STX18: variants seen among roughly 807,000 people sequenced by gnomAD.
STX18 encodes the protein syntaxin-18.
Under a neutral mutation model 50.1 loss-of-function variants are expected in STX18, and 40 were observed. That is an observed-to-expected ratio of 0.80 (90% CI 0.62 to 1.04). The LOEUF is 1.04. Ranked by LOEUF, STX18 falls within the 50% of genes least tolerant of loss-of-function variation. The pLI, the probability that STX18 is intolerant of heterozygous loss-of-function variation, is 0.00. For missense variants in STX18, 410 were observed against 415.8 expected, an observed-to-expected ratio of 0.99 and a Z score of 0.12; for synonymous variants, 158 against 151.8, an observed-to-expected ratio of 1.04 and a Z score of -0.30.
chr4:4,420,785 TG>T lies in STX18; in HGVS notation c.912+78del. 1 of 1,303,108 alleles carries T rather than the reference TG, an allele frequency of 7.7e-7. No homozygotes were observed. Among genetic ancestry groups the T allele is most frequent in the Non-Finnish European group, 1.1e-6 (1 of 901,022 alleles). The allele number at this position is 1,303,108 out of a possible 1,614,324, so 80.7% of individuals were successfully genotyped here. A position where few individuals can be genotyped will look rare whatever the true frequency, so the allele number is the denominator to read the frequency against. On this transcript the variant is annotated intron_variant, in intron 10 of 10. Coordinates refer to ENST00000306200, the MANE Select transcript of STX18 (RefSeq NM_016930.4). This position sits in a 1 kb window ranked among gnomAD's most constrained non-coding sequence, Gnocchi z 4.3. ...CTGCCCAGCAAGGCTCCTGGGCAGCTGTGCCGGCGAGACTAACACCCGCTGC... is the reference window on the plus strand; with the variant it reads ...CTGCCCAGCAAGGCTCCTGGGCAGCTTGCCGGCGAGACTAACACCCGCTGC...
chr4:4,535,617 C>G (rs1272980119), intron 1 of STX18, among the ~76,000 whole-genome samples: 1 of 152,162 alleles, frequency 6.6e-6, no homozygotes, highest in African/African-American at 2.4e-5. Context: ...ACCTCTCACT[C>G]CAGCTTTTAC....
intron 7 of STX18, among the ~76,000 whole-genome samples, chr4:4,431,641 G>C (rs956921050): frequency 6.6e-6 from 1 of 152,122 alleles, no homozygotes; most frequent in African/African-American, 2.4e-5. Flanking sequence ...CACCTCTCAT[G>C]AATGTCCCAC....
intron 6 of STX18, among the ~76,000 whole-genome samples, chr4:4,435,838 A>C (rs1480491000): frequency 6.6e-6 from 1 of 152,234 alleles, no homozygotes; most frequent in African/African-American, 2.4e-5. Flanking sequence ...TCAATACCAC[A>C]GGCCCCTAGA....
intron 1 of STX18, among the ~76,000 whole-genome samples, chr4:4,478,180 T>C (rs536229052): frequency 2.0e-5 from 3 of 152,054 alleles, no homozygotes; most frequent in South Asian, 2.1e-4. Flanking sequence ...TTTGTATATG[T>C]TGATTTTTTA....
chr4:4,473,253 G>C (rs1728012616), intron 1 of STX18, among the ~76,000 whole-genome samples: 1 of 148,398 alleles, frequency 6.7e-6, no homozygotes, highest in South Asian at 2.1e-4. Flanking sequence ...TTACAATCCT[G>C]TTCCTGCTTT....
In STX18 at chr4:4,420,369, G is replaced by A; in HGVS notation, c.913-240C>T. ...CAATTCTCCCTCAACACAACTCTCG[G>A]AATCACTCCCTTCTGTCCCAGGGTT... On this transcript the variant is annotated intron_variant, in intron 10 of 10. Transcript: ENST00000306200. The surrounding 1 kb of genome is among the most constrained non-coding windows in gnomAD (Gnocchi z 4.3). The A allele has an allele frequency of 2.0e-6, 1 of 511,884 alleles. No homozygotes were observed. Among genetic ancestry groups the A allele is most frequent in the Non-Finnish European group, 3.5e-6 (1 of 282,870 alleles). 31.7% of individuals were successfully genotyped at this position (511,884 alleles called of 1,614,324 possible).
intron 1 of STX18, among the ~76,000 whole-genome samples, chr4:4,525,210 G>C (rs1730695138): frequency 6.6e-6 from 1 of 152,218 alleles, no homozygotes; most frequent in African/African-American, 2.4e-5. Context: ...TTAATCTGGA[G>C]AAAGCAAATC....
intron 1 of STX18, among the ~76,000 whole-genome samples, chr4:4,504,512 G>A (rs1048079187): frequency 9.2e-5 from 14 of 152,134 alleles, no homozygotes; most frequent in African/African-American, 3.4e-4. Flanking sequence ...TTTACTTTCA[G>A]AGAAGGAAAA....
At position 4,504,446 on chromosome 4, in the gene STX18, T is replaced by C. The variant is rs140094817; in HGVS notation, c.169-32740A>G. 4.5e-4 allele frequency among the ~76,000 whole-genome samples: 68 copies of C among 152,310 alleles called. 2 individuals are homozygous for C. The highest frequency in any genetic ancestry group is 1.4e-3 in the African/African-American group (59 of 41,564). ...GCCAGACTTTATTAGGCACTCAGGA[T>C]ACAGGAGTACACAGACAATAAAGCT... is the stretch of plus-strand genomic sequence containing the variant. On this transcript the variant is annotated intron_variant, in intron 1 of 10. Coordinates refer to ENST00000306200, the MANE Select transcript of STX18 (RefSeq NM_016930.4).
chr4:4,536,894 G>A (rs7693424), intron 1 of STX18, among the ~76,000 whole-genome samples: 33,346 of 152,146 alleles, frequency 0.22, 4,012 homozygotes, highest in African/African-American at 0.33. Context: ...TAGAATCAAA[G>A]TGTCCTTATT....
Position 4,534,037 on chromosome 4 carries a change from C to G in STX18, c.168+7760G>C, listed in dbSNP as rs182029138. Among the ~76,000 whole-genome samples, 26 of 152,318 alleles carry G rather than the reference C, an allele frequency of 1.7e-4. No homozygotes were observed. The East Asian group carries it at 4.6e-3, about 27-fold the overall frequency. The stretch of plus-strand genomic sequence containing the variant: ...TTCTACCTCCTTGTACTTCTCGCCA[C>G]CATAAGTCCCAGCCTAGTGATGGCC... On this transcript the variant is annotated intron_variant, in intron 1 of 10. Transcript: ENST00000306200.
At chr4:4,513,308 T>C (rs114368392) in intron 1 of STX18, among the ~76,000 whole-genome samples, 360 of 152,230 alleles carry the variant, frequency 2.4e-3, no homozygotes, top group Middle Eastern at 0.014. Flanking sequence ...GCTCATGGGG[T>C]TTCCCATTCA....
At chr4:4,519,959 C>T (rs1270772673) in intron 1 of STX18, among the ~76,000 whole-genome samples, 1 of 152,132 alleles carries the variant, frequency 6.6e-6, no homozygotes, top group East Asian at 1.9e-4. Flanking sequence ...TATCATTTAT[C>T]TTATGATGCA....
At chr4:4,469,350 T>G (rs905481902) in intron 2 of STX18, among the ~76,000 whole-genome samples, 10 of 152,336 alleles carry the variant, frequency 6.6e-5, no homozygotes, top group Admixed American at 3.3e-4. Flanking sequence ...TAAACTATAC[T>G]ACCTGGCTCT....
intron 9 of STX18, among the ~76,000 whole-genome samples, chr4:4,422,163 A>C (rs1324757112): frequency 6.6e-6 from 1 of 152,196 alleles, no homozygotes; most frequent in Non-Finnish European, 1.5e-5. Flanking sequence ...GAGAGTCTCA[A>C]AGTGTGAACT....
At chr4:4,488,411 C>T (rs1203414967) in intron 1 of STX18, among the ~76,000 whole-genome samples, 1 of 152,122 alleles carries the variant, frequency 6.6e-6, no homozygotes, top group Non-Finnish European at 1.5e-5. Context: ...CAAAGAAAAC[C>T]GACATATCTC....
chr4:4,456,647 TG>T (rs1157134519), intron 5 of STX18, among the ~76,000 whole-genome samples: 1 of 152,012 alleles, frequency 6.6e-6, no homozygotes, highest in African/African-American at 2.4e-5. Flanking sequence ...TGGAGGGAGG[TG>T]TGCACTCAGA....
chr4:4,522,260 G>A (rs1197415293), intron 1 of STX18, among the ~76,000 whole-genome samples: 1 of 152,122 alleles, frequency 6.6e-6, no homozygotes, highest in Non-Finnish European at 1.5e-5. Context: ...CACGACGTCT[G>A]GTTCAATGAG....
At chr4:4,536,308 A>T (rs569196742) in intron 1 of STX18, among the ~76,000 whole-genome samples, 2 of 152,370 alleles carry the variant, frequency 1.3e-5, no homozygotes, top group East Asian at 3.9e-4. Flanking sequence ...AAGCACCTGC[A>T]TCCCCACACT....
Sources: gnomAD v4.1 joint callset for allele counts (sites outside exome capture counted in the v4.1 genomes callset) on GRCh38, gnomAD v4.1.1 for gene constraint, Gnocchi (gnomAD v3.1) non-coding constraint, MANE v1.5 for transcripts, NCBI Gene and HGNC (gene_info 2026-07-23, HGNC 2026-07-21) for gene names.